OPN1SW: variants seen among roughly 807,000 people sequenced by gnomAD.
OPN1SW encodes opsin 1, short wave sensitive, also known as short-wave-sensitive opsin 1.
A neutral mutation model predicts 31.9 loss-of-function variants in OPN1SW; 25 were observed. The observed-to-expected ratio is 0.78, with a 90% confidence interval of 0.57 to 1.09. The LOEUF is 1.09. Among genes scored for constraint, OPN1SW ranks in the 50% least tolerant of loss-of-function variants. The pLI is 0.00. For missense variants in OPN1SW, 424 were observed against 448.0 expected, an observed-to-expected ratio of 0.95 and a Z score of 0.48; for synonymous variants, 190 against 171.9, an observed-to-expected ratio of 1.11 and a Z score of -0.82.
chr7:128,774,104 G>A (rs890433635), intron 3 of OPN1SW, among the ~76,000 whole-genome samples: 1 of 152,048 alleles, frequency 6.6e-6, no homozygotes, highest in Non-Finnish European at 1.5e-5. Flanking sequence ...GAGTAGCTGG[G>A]GTTACAAGCA....
In OPN1SW at chr7:128,772,541, C is replaced by T; in HGVS notation, c.1037G>A (p.Ter346=). 1 of 1,614,152 alleles carries T rather than the reference C, an allele frequency of 6.2e-7. No homozygotes were observed. The highest frequency in any genetic ancestry group is 8.5e-7 in the Non-Finnish European group (1 of 1,180,014). The change falls in exon 5 of 5, where the codon TGA becomes TAA. Residue 346 remains the stop codon, a stop_retained_variant. Transcript: ENST00000249389. ...TGCAAACAGGCCAATATTGGGTCCTCAGTTGGGGCCAACTTGGGTAGACGA... is the reference window on the plus strand; with the variant it reads ...TGCAAACAGGCCAATATTGGGTCCTTAGTTGGGGCCAACTTGGGTAGACGA... The part of the protein sequence containing the change: ...TVSSTQVGPN[*]
rs772026384 is a variant in OPN1SW at position 128,773,699 on chromosome 7, T to G, written c.868A>C (p.Lys290Gln). 1 of 1,614,212 alleles carries G rather than the reference T, an allele frequency of 6.2e-7. No individual in the cohort carries two copies. Among genetic ancestry groups the G allele is most frequent in the East Asian group, 2.2e-5 (1 of 44,884 alleles). Reference protein sequence around the residue: ...RLVTIPSFFSKSACIYNPIIY... With the variant: ...RLVTIPSFFSQSACIYNPIIY... ...ATGGGATTGTAGATGCAAGCACTCT[T>G]GGAGAAGAATGAAGGAATGGTGACA... Residue 290 changes from lysine to glutamine, a missense_variant, in exon 4 of 5, where the codon AAG becomes CAG. By Grantham distance (53) the Lys-to-Gln change is moderately conservative (BLOSUM62 1). Transcript: ENST00000249389.
rs374287355 is a variant in OPN1SW, at chr7:128,772,600, T to C, written c.978A>G (p.Thr326=). The change falls in exon 5 of 5, where the codon ACA becomes ACG. Residue 326 remains threonine, a synonymous_variant. Transcript: ENST00000249389. ...CGKAMTDESD[T]CSSQKTEVST... ...AAACTTCTGTTTTCTGGGAGCTGCA[T>C]GTGTCGGATTCATCTGTCATGGCCT... is the stretch of plus-strand genomic sequence containing the variant. 1.5e-5 allele frequency: 24 copies of C among 1,614,090 alleles called. No homozygotes were observed. Among genetic ancestry groups the C allele is most frequent in the Non-Finnish European group, 2.0e-5 (24 of 1,180,032 alleles).
In OPN1SW at chr7:128,772,638, T is replaced by C. The variant is rs143205154; in HGVS notation, c.940A>G (p.Met314Val). ...TCTGTCATGGCCTTCCCACACACCA[T>C]CTTCATGATGCAAGCTTGGAACTGG... The part of the protein sequence containing the change: ...NKQFQACIMK[M>V]VCGKAMTDES... The change falls in exon 5 of 5, where the codon ATG (methionine) becomes GTG (valine). Residue 314 changes from methionine to valine, a missense_variant. Physicochemically the swap from Met to Val is conservative, Grantham distance 21. Coordinates refer to ENST00000249389, the MANE Select transcript of OPN1SW (RefSeq NM_001385125.1). 6.2e-7 allele frequency: 1 copy of C among 1,614,094 alleles called. No homozygotes were observed. Among genetic ancestry groups the C allele is most frequent in the Non-Finnish European group, 8.5e-7 (1 of 1,179,996 alleles).
At position 128,775,713 on chromosome 7, in the gene OPN1SW, G is replaced by A. The variant is rs1801750155; in HGVS notation, c.69C>T (p.Tyr23=). 6 of 1,614,138 alleles carry A rather than the reference G, an allele frequency of 3.7e-6. No individual in the cohort carries two copies. Among genetic ancestry groups the A allele is most frequent in the East Asian group, 2.2e-5 (1 of 44,884 alleles). ...AGAAGGCCCAGACAGGGGCAATGTG[G>A]TACTGAGGCCCATCCCACGGCCCCA... is the stretch of plus-strand genomic sequence containing the variant. ...SSVGPWDGPQ[Y]HIAPVWAFYL... is the part of the protein sequence containing the mutation. Residue 23 remains tyrosine (Y), a synonymous_variant, in exon 1 of 5, where the codon TAC becomes TAT. Transcript: ENST00000249389.
Position 128,773,861 on chromosome 7 carries a change from T to C in OPN1SW, c.706A>G (p.Thr236Ala). ...ACCTCCCGTTCAGCCTTCTGGGTCGTAGCTGACTCCTGCTGCTGAGCTGCA... is the reference window on the plus strand; with the variant it reads ...ACCTCCCGTTCAGCCTTCTGGGTCGCAGCTGACTCCTGCTGCTGAGCTGCA... ...AVAAQQQESATTQKAEREVSR... is the reference protein window; with the variant it reads ...AVAAQQQESAATQKAEREVSR... Residue 236 changes from threonine (T) to alanine (A), a missense_variant, in exon 4 of 5, where the codon ACG becomes GCG. By Grantham distance (58) the Thr-to-Ala change is moderately conservative. Coordinates refer to ENST00000249389, the MANE Select transcript of OPN1SW (RefSeq NM_001385125.1). The C allele has an allele frequency of 6.2e-7, 1 of 1,612,480 alleles. No individual in the cohort carries two copies. The highest frequency in any genetic ancestry group is 8.5e-7 in the Non-Finnish European group (1 of 1,179,976).
rs1336176040 is a variant in OPN1SW, at chr7:128,772,582, T to G, written c.996A>C (p.Thr332=). ...GGGTAGACGAGACAGTAGAAACTTC[T>G]GTTTTCTGGGAGCTGCATGTGTCGG... ...DESDTCSSQK[T]EVSTVSSTQV... is the part of the protein sequence containing the mutation. Residue 332 remains threonine, a synonymous_variant, in exon 5 of 5, where the codon ACA becomes ACC. Transcript: ENST00000249389. The G allele has an allele frequency of 6.8e-6, 11 of 1,614,100 alleles. No homozygotes were observed. Among genetic ancestry groups the G allele is most frequent in the Non-Finnish European group, 9.3e-6 (11 of 1,180,040 alleles).
In OPN1SW at chr7:128,775,539, G is replaced by A. The variant is rs1801744265; in HGVS notation, c.243C>T (p.Cys81=). 1 of 1,613,996 alleles carries A rather than the reference G, an allele frequency of 6.2e-7. No individual in the cohort carries two copies. Among genetic ancestry groups the A allele is most frequent in the Non-Finnish European group, 8.5e-7 (1 of 1,179,994 alleles). ...VNVSFGGFLL[C]IFSVFPVFVA... is the part of the protein sequence containing the mutation. The stretch of plus-strand genomic sequence containing the variant: ...CGAAGACAGGGAAGACAGAGAAGAT[G>A]CAGAGGAGGAAGCCTCCGAAGGACA... The change falls in exon 1 of 5, where the codon TGC becomes TGT. Residue 81 remains cysteine (C), a synonymous_variant. Coordinates refer to ENST00000249389, the MANE Select transcript of OPN1SW (RefSeq NM_001385125.1).
rs776183647 is a variant in OPN1SW at position 128,775,071 on chromosome 7, T to C, written c.427A>G (p.Ser143Gly). 1 of 1,614,208 alleles carries C rather than the reference T, an allele frequency of 6.2e-7. No homozygotes were observed. The highest frequency in any genetic ancestry group is 8.5e-7 in the Non-Finnish European group (1 of 1,180,030). ...ACCACCGTCAGTGCATGCTTGGAGC[T>C]GAAGCGGAAGTTGCCGAAGGGCTTA... ...ICKPFGNFRF[S>G]SKHALTVVLA... Residue 143 changes from serine to glycine, a missense_variant, in exon 2 of 5, where the codon AGC becomes GGC. Coordinates refer to ENST00000249389, the MANE Select transcript of OPN1SW (RefSeq NM_001385125.1).
intron 3 of OPN1SW, among the ~76,000 whole-genome samples, 176 bp from the exon 4 acceptor site, chr7:128,774,064 G>C (rs1801700690): frequency 6.6e-6 from 1 of 151,904 alleles, no homozygotes; most frequent in Non-Finnish European, 1.5e-5. Context: ...CACCTCCCGG[G>C]TTCAAGTGAT....
rs773064809 is a variant in OPN1SW at position 128,773,709 on chromosome 7, T to C, written c.858A>G (p.Ser286=). The change falls in exon 4 of 5, where the codon TCA becomes TCG. Residue 286 remains serine (S), a synonymous_variant. Transcript: ENST00000249389. ...AGATGCAAGCACTCTTGGAGAAGAA[T>C]GAAGGAATGGTGACAAGCCGTAAGT... is the stretch of plus-strand genomic sequence containing the variant. ...GLDLRLVTIP[S]FFSKSACIYN... is the part of the protein sequence containing the mutation. The C allele has an allele frequency of 6.2e-7, 1 of 1,614,152 alleles. No homozygotes were observed. The highest frequency in any genetic ancestry group is 1.7e-5 in the Admixed American group (1 of 60,020).
rs1201718523 is a variant in OPN1SW, at chr7:128,772,530, T to C, written c.*10A>G. ...ATTCTAGCTGTTGCAAACAGGCCAA[T>C]ATTGGGTCCTCAGTTGGGGCCAACT... On this transcript the variant is annotated 3_prime_UTR_variant, in exon 5 of 5. Coordinates refer to ENST00000249389, the MANE Select transcript of OPN1SW (RefSeq NM_001385125.1). 1 of 1,614,134 alleles carries C rather than the reference T, an allele frequency of 6.2e-7. No homozygotes were observed. Among genetic ancestry groups the C allele is most frequent in the East Asian group, 2.2e-5 (1 of 44,888 alleles).
chr7:128,773,354 C>T (rs1038943956), intron 4 of OPN1SW, among the ~76,000 whole-genome samples: 1 of 152,060 alleles, frequency 6.6e-6, no homozygotes, highest in African/African-American at 2.4e-5. Context: ...TAAACGTGTG[C>T]CATGGTGGTT....
At chr7:128,775,218 C>G in intron 1 of OPN1SW, 64 bp from the exon 2 acceptor site, 1 of 1,559,806 alleles carries the variant, frequency 6.4e-7, no homozygotes, top group South Asian at 1.1e-5. Context: ...GGCAGAGTGG[C>G]AAACAGATCG....
intron 4 of OPN1SW, among the ~76,000 whole-genome samples, chr7:128,772,871 CTG>C (rs1452207884): frequency 6.6e-6 from 1 of 152,192 alleles, no homozygotes; most frequent in Non-Finnish European, 1.5e-5. Flanking sequence ...CTGGTCAAGT[CTG>C]AGACCTCACT....
chr7:128,773,826 C>CA lies in OPN1SW; in HGVS notation c.740dup (p.Met247IlefsTer28). 6.2e-7 allele frequency: 1 copy of CA among 1,613,990 alleles called. No homozygotes were observed. Among genetic ancestry groups the CA allele is most frequent in the Non-Finnish European group, 8.5e-7 (1 of 1,180,006 alleles). ...AGAAGGATCCTACCATCACAACCAC[C>CA]ATGCGGCTCACCTCCCGTTCAGCCT... is the stretch of plus-strand genomic sequence containing the variant. On this transcript the variant is annotated frameshift_variant, in exon 4 of 5. Transcript: ENST00000249389. LOFTEE classifies it high-confidence loss of function.
Position 128,774,585 on chromosome 7 carries a change from A to G in OPN1SW, c.591T>C (p.Tyr197=), listed in dbSNP as rs1039467456. ...AGCAGAAGATGAAGAGGAACCACGTATAGGACTCGCTGCGGTATTTGGTGC... is the reference window on the plus strand; with the variant it reads ...AGCAGAAGATGAAGAGGAACCACGTGTAGGACTCGCTGCGGTATTTGGTGC... ...TVGTKYRSES[Y]TWFLFIFCFI... The change falls in exon 3 of 5, where the codon TAT becomes TAC. Residue 197 remains tyrosine (Y), a synonymous_variant. Transcript: ENST00000249389. 3 of 1,614,052 alleles carry G rather than the reference A, an allele frequency of 1.9e-6. No homozygotes were observed. Among genetic ancestry groups the G allele is most frequent in the African/African-American group, 1.3e-5 (1 of 74,928 alleles).
rs113302345 is a variant in OPN1SW, at chr7:128,774,487, A to G, written c.678+11T>C. 3.7e-6 allele frequency: 6 copies of G among 1,613,506 alleles called. No individual in the cohort carries two copies. The highest frequency in any genetic ancestry group is 1.6e-4 in the Middle Eastern group (1 of 6,084). ...GAACCCCTTCTTCCCTGACTATCAA[A>G]TGCCACTCACAGCTTTCAGGGCCCT... is the stretch of plus-strand genomic sequence containing the variant. On this transcript the variant is annotated intron_variant, in intron 3 of 4. Transcript: ENST00000249389.
rs1017152521 is a variant in OPN1SW, at chr7:128,772,764, C to G, written c.919-105G>C. Reference sequence around the variant, plus strand: ...AAAGCCTTGCACAATGCTTTGTACCCAGAATGCCCTTAGGTGGTTTTGAAT... The same window carrying G: ...AAAGCCTTGCACAATGCTTTGTACCGAGAATGCCCTTAGGTGGTTTTGAAT... On this transcript the variant is annotated intron_variant, in intron 4 of 4. Coordinates refer to ENST00000249389, the MANE Select transcript of OPN1SW (RefSeq NM_001385125.1). 8 of 1,479,912 alleles carry G rather than the reference C, an allele frequency of 5.4e-6. No homozygotes were observed. The African/African-American group carries it at 9.7e-5, about 18-fold the overall frequency. 91.7% of individuals were successfully genotyped at this position (1,479,912 alleles called of 1,614,324 possible). A position where few individuals can be genotyped will look rare whatever the true frequency, so the allele number is the denominator to read the frequency against.
Sources: allele counts gnomAD v4.1 joint callset (sites outside exome capture counted in the v4.1 genomes callset), GRCh38; gene constraint gnomAD v4.1.1; transcripts MANE v1.5; gene names NCBI Gene and HGNC (gene_info 2026-07-23, HGNC 2026-07-21).